Variants in ANTXR2 observed in about 807,000 individuals in gnomAD.
The protein encoded by ANTXR2 is anthrax toxin receptor 2.
Under a neutral mutation model 73.7 loss-of-function variants are expected in ANTXR2, and 44 were observed. The observed-to-expected ratio is 0.60, with a 90% CI of 0.47 to 0.77. The LOEUF (loss-of-function observed/expected upper bound fraction) is 0.77. Among genes scored for constraint, ANTXR2 ranks in the 30% least tolerant of loss-of-function variants. ANTXR2 has a pLI of 0.00. For missense variants in ANTXR2, 604 were observed against 592.5 expected (o/e 1.02, Z -0.20); for synonymous variants, 217 against 205.9 (o/e 1.05, Z -0.46).
chr4:79,946,066 C>T (rs1578102463), intron 16 of ANTXR2, among the ~76,000 whole-genome samples: 2 of 152,076 alleles, frequency 1.3e-5, no homozygotes, highest in South Asian at 2.1e-4. Flanking sequence ...AGTCACTGAA[C>T]TTTATGCTTT....
In ANTXR2 at chr4:79,915,854, C is replaced by CTATATA. The variant is rs1384449714; in HGVS notation, c.1429-8388_1429-8387insTATATA. 4.7e-3 allele frequency among the ~76,000 whole-genome samples: 524 copies of CTATATA among 111,174 alleles called. 1 individual carries two copies. The highest frequency in any genetic ancestry group is 6.7e-3 in the Admixed American group (70 of 10,526). 72.9% of individuals were successfully genotyped at this position (111,174 alleles called of 152,430 possible). A position where few individuals can be genotyped will look rare whatever the true frequency, so the allele number is the denominator to read the frequency against. The stretch of plus-strand genomic sequence containing the variant: ...CCTCTCTCTCTCTCTCTCTCTCTCT[C>CTATATA]TCTCTCTCTATATATATATATATAC... On this transcript the variant is annotated intron_variant, in intron 16 of 16. Transcript: ENST00000403729.
At chr4:79,966,379 C>G (rs1437505594) in intron 16 of ANTXR2, among the ~76,000 whole-genome samples, 2 of 152,124 alleles carry the variant, frequency 1.3e-5, no homozygotes, top group African/African-American at 4.8e-5. Flanking sequence ...TTTTTACCAA[C>G]TAACCACAGT....
chr4:79,910,502 C>T lies in ANTXR2; in HGVS notation c.1429-3035G>A, dbSNP rs188089127. On this transcript the variant is annotated intron_variant, in intron 16 of 16. Transcript: ENST00000403729. ...CCAGCCTAGTGACAGAGCGAGACTC[C>T]GTCTCAAAAAAAAAAAAAAAGAAAA... Among the ~76,000 whole-genome samples, 101 of 127,842 alleles carry T rather than the reference C, an allele frequency of 7.9e-4. No homozygotes were observed. In the East Asian group the frequency reaches 0.02, roughly 25 times the overall value. 83.9% of individuals were successfully genotyped at this position (127,842 alleles called of 152,430 possible).
intron 16 of ANTXR2, among the ~76,000 whole-genome samples, chr4:79,937,044 G>A (rs1374993120): frequency 7.2e-6 from 1 of 139,012 alleles, no homozygotes; most frequent in Non-Finnish European, 1.6e-5. Flanking sequence ...GAAGAAAAAT[G>A]TATTAATAAT....
chr4:80,046,052 A>C (rs1203121000), intron 7 of ANTXR2, among the ~76,000 whole-genome samples: 1 of 151,810 alleles, frequency 6.6e-6, no homozygotes, highest in African/African-American at 2.4e-5. Flanking sequence ...AGCAAGGAAT[A>C]AAAGCACACA....
At chr4:80,026,760 T>C (rs1309526149) in intron 10 of ANTXR2, among the ~76,000 whole-genome samples, 2 of 152,178 alleles carry the variant, frequency 1.3e-5, no homozygotes, top group Non-Finnish European at 2.9e-5. Context: ...TCTTCCAATG[T>C]TTGGAGAGTT....
chr4:80,055,181 C>A lies in ANTXR2; in HGVS notation c.524G>T (p.Cys175Phe), dbSNP rs1200548367. The A allele has an allele frequency of 6.4e-7, 1 of 1,567,194 alleles. No individual in the cohort carries two copies. The highest frequency in any genetic ancestry group is 1.2e-5 in the South Asian group (1 of 85,346). Residue 175 changes from cysteine to phenylalanine, a missense_variant, in exon 6 of 17, where the codon TGT becomes TTT. By Grantham distance (205) the Cys-to-Phe change is radical. Coordinates refer to ENST00000403729, the MANE Select transcript of ANTXR2 (RefSeq NM_058172.6). ...ISRSLGASVY[C>F]VGVLDFEQAQ... ...TTGTTCAAAATCAAGGACACCAACA[C>A]AATAAACACTAGCCCCAAGTGACCT...
At chr4:79,930,932 T>C (rs1283277683) in intron 16 of ANTXR2, among the ~76,000 whole-genome samples, 1 of 152,230 alleles carries the variant, frequency 6.6e-6, no homozygotes, top group Non-Finnish European at 1.5e-5. Flanking sequence ...TGTTGATCTA[T>C]TTTGCAATAC....
At position 79,918,059 on chromosome 4, in the gene ANTXR2, A is replaced by G. The variant is rs558884781; in HGVS notation, c.1429-10592T>C. Among the ~76,000 whole-genome samples the G allele has an allele frequency of 3.3e-5, 5 of 152,238 alleles. No individual in the cohort carries two copies. In the East Asian group the frequency reaches 9.7e-4, roughly 29 times the overall value. On this transcript the variant is annotated intron_variant, in intron 16 of 16. Coordinates refer to ENST00000403729, the MANE Select transcript of ANTXR2 (RefSeq NM_058172.6). ...AGGATACCAAAACTAAAGAGAAAAT[A>G]TACAATATCCGAAATAAAAAATGTA...
chr4:79,977,652 A>AC lies in ANTXR2; in HGVS notation c.1396dup (p.Val466GlyfsTer11), dbSNP rs766583327. ...TCCTTCCTGAGGTCGCATCAAAGAAACCCGGTCATACTGCCGCCTCAACAA... is the reference window on the plus strand; with the variant it reads ...TCCTTCCTGAGGTCGCATCAAAGAAACCCCGGTCATACTGCCGCCTCAACAA... On this transcript the variant is annotated frameshift_variant, in exon 16 of 17. Transcript: ENST00000403729. LOFTEE classifies it high-confidence loss of function. 6.3e-7 allele frequency: 1 copy of AC among 1,581,032 alleles called. No homozygotes were observed. Among genetic ancestry groups the AC allele is most frequent in the Non-Finnish European group, 8.6e-7 (1 of 1,162,568 alleles).
chr4:79,919,913 AT>A (rs1560856541), intron 16 of ANTXR2, among the ~76,000 whole-genome samples: 33 of 18,606 alleles, frequency 1.8e-3, no homozygotes, highest in African/African-American at 3.3e-3. Context: ...ATATATATAT[AT>A]ATATATAAAA....
Position 79,983,773 on chromosome 4 carries a change from G to A in ANTXR2, c.1179+105C>T. On this transcript the variant is annotated intron_variant, in intron 14 of 16. Transcript: ENST00000403729. ...AAAGACCCAGTGTTAAGCACAAATG[G>A]ATGATATTATAATATTGAATTGTGA... 3.4e-6 allele frequency: 3 copies of A among 887,462 alleles called. No individual in the cohort carries two copies. In the South Asian group the frequency reaches 4.4e-5, roughly 13 times the overall value. 55.0% of individuals were successfully genotyped at this position (887,462 alleles called of 1,614,324 possible).
At chr4:79,962,365 T>C (rs1352276509) in intron 16 of ANTXR2, among the ~76,000 whole-genome samples, 3 of 152,138 alleles carry the variant, frequency 2.0e-5, no homozygotes, top group African/African-American at 4.8e-5. Context: ...CTAGTAAAAA[T>C]TTATCTTTCA....
At position 79,996,962 on chromosome 4, in the gene ANTXR2, CA is replaced by C. The variant is rs547889856; in HGVS notation, c.1041+11558del. On this transcript the variant is annotated intron_variant, in intron 12 of 16. Transcript: ENST00000403729. ...CCATATGCAGAGTTTGATTCTTCTC[CA>C]ATTTTTTTTTCATTTGTTATTATCA... Among the ~76,000 whole-genome samples, 143 of 151,774 alleles carry C rather than the reference CA, an allele frequency of 9.4e-4. 1 individual carries two copies. Among genetic ancestry groups the C allele is most frequent in the African/African-American group, 3.4e-3 (139 of 41,430 alleles).
chr4:80,006,728 C>A (rs1731320980), intron 12 of ANTXR2, among the ~76,000 whole-genome samples: 1 of 151,958 alleles, frequency 6.6e-6, no homozygotes, highest in South Asian at 2.1e-4. Context: ...TCCTTAATAT[C>A]CAAAATGACA....
rs947186737 is a variant in ANTXR2 at position 79,907,092 on chromosome 4, C to T, written c.*337G>A. ...GTGGTCCTTGTTTTGGTATCATCTT[C>T]GTGTTGTTGCTGTTGTTGCTTTTTC... On this transcript the variant is annotated 3_prime_UTR_variant, in exon 17 of 17. Coordinates refer to ENST00000403729, the MANE Select transcript of ANTXR2 (RefSeq NM_058172.6). The T allele has an allele frequency of 1.9e-5, 6 of 311,508 alleles. No individual in the cohort carries two copies. The South Asian group carries it at 3.0e-4, about 15-fold the overall frequency. 19.3% of individuals were successfully genotyped at this position (311,508 alleles called of 1,614,324 possible).
chr4:80,002,618 C>T (rs2110047375), intron 12 of ANTXR2, among the ~76,000 whole-genome samples: 1 of 152,098 alleles, frequency 6.6e-6, no homozygotes, highest in South Asian at 2.1e-4. Context: ...TCAGAGTCAA[C>T]AGGCAACCTA....
At chr4:80,038,537 A>G (rs1175995998) in intron 7 of ANTXR2, among the ~76,000 whole-genome samples, 1 of 152,096 alleles carries the variant, frequency 6.6e-6, no homozygotes, top group African/African-American at 2.4e-5. Flanking sequence ...ATGTTCTATT[A>G]AAGTCTGAGT....
intron 2 of ANTXR2, among the ~76,000 whole-genome samples, chr4:80,071,342 C>T (rs549265222): frequency 6.6e-6 from 1 of 152,268 alleles, no homozygotes; most frequent in African/African-American, 2.4e-5. Context: ...AAGAAAAAGA[C>T]ATTTGGAATA....
Sources: gnomAD v4.1 joint callset for allele counts (sites outside exome capture counted in the v4.1 genomes callset) on GRCh38, gnomAD v4.1.1 for gene constraint, MANE v1.5 for transcripts, NCBI Gene and HGNC (gene_info 2026-07-23, HGNC 2026-07-21) for gene names.